Variants in USP31 observed in about 807,000 individuals in gnomAD.
The protein encoded by USP31 is ubiquitin carboxyl-terminal hydrolase 31.
Under a neutral mutation model 119.4 loss-of-function variants are expected in USP31, and 44 were observed. That is an observed-to-expected ratio of 0.37 (90% CI 0.29 to 0.47). USP31 has a LOEUF of 0.47. Among genes scored for constraint, USP31 ranks in the 20% least tolerant of loss-of-function variants. The probability of loss-of-function intolerance (pLI) is 0.99; values close to 1 mark genes in which losing one functional copy is unlikely to be tolerated. For missense variants in USP31, 1,643 were observed against 1,730.2 expected, an observed-to-expected ratio of 0.95 and a Z score of 0.89; for synonymous variants, 749 against 705.6, an observed-to-expected ratio of 1.06 and a Z score of -0.97.
chr16:23,087,002 T>C, intron 9 of USP31, 90 bp downstream of exon 9: 1 of 985,744 alleles, frequency 1.0e-6, no homozygotes, highest in East Asian at 2.7e-5. Flanking sequence ...CCCTGCACAC[T>C]TATGTGGAAA....
In USP31 at chr16:23,062,381, TAAA is replaced by T. The variant is rs34408168; in HGVS notation, c.*5662_*5664del. On this transcript the variant is annotated 3_prime_UTR_variant, in exon 16 of 16. Transcript: ENST00000219689. ...AATAGCAATAAGGGTTTTTTTTTTT[TAAA>T]AAAAAGACACCAAAGAAAATGTTTC... 0.12 allele frequency: 17,113 copies of T among 143,946 alleles called. 1,247 individuals carry two copies. Among genetic ancestry groups the T allele is most frequent in the Admixed American group, 0.2 (2,978 of 14,646 alleles). The allele number at this position is 143,946 out of a possible 1,614,324, so 8.9% of individuals were successfully genotyped here.
At chr16:23,128,488 C>T (rs12448801) in intron 1 of USP31, among the ~76,000 whole-genome samples, 42,789 of 151,940 alleles carry the variant, frequency 0.28, 6,373 homozygotes, top group Admixed American at 0.35. Context: ...CTAAACACAA[C>T]TGGAAATCAA....
At chr16:23,069,663 TTC>T (rs1900267537) in intron 15 of USP31, 47 bp from the exon 16 acceptor site, 1 of 1,546,684 alleles carries the variant, frequency 6.5e-7, no homozygotes, top group African/African-American at 1.4e-5. Flanking sequence ...AATGAAGACA[TTC>T]TAACAACACT....
At position 23,147,356 on chromosome 16, in the gene USP31, G is replaced by A. The variant is rs550630888; in HGVS notation, c.633+1282C>T. Among the ~76,000 whole-genome samples, 40 of 152,240 alleles carry A rather than the reference G, an allele frequency of 2.6e-4. No homozygotes were observed. In the East Asian group the frequency reaches 4.4e-3, roughly 17 times the overall value. ...CCCCCGGACCTCAGGTGATCCACCC[G>A]CCTTGGCCTCCCAAAGTGCTAGGAT... On this transcript the variant is annotated intron_variant, in intron 1 of 15. Transcript: ENST00000219689.
rs1902549235 is a variant in USP31 at position 23,117,926 on chromosome 16, C to CTGT, written c.634-9744_634-9743insACA. Among the ~76,000 whole-genome samples the CTGT allele has an allele frequency of 1.3e-5, 2 of 151,970 alleles. 1 individual carries two copies. The highest frequency in any genetic ancestry group is 4.2e-4 in the South Asian group (2 of 4,816). On this transcript the variant is annotated intron_variant, in intron 1 of 15. Transcript: ENST00000219689. ...TGCCTCAGCCTCCAAGTAGCTGGGACTACAGGTGCACGCCACCACGTCCTG... is the reference window on the plus strand; with the variant it reads ...TGCCTCAGCCTCCAAGTAGCTGGGACTGTTACAGGTGCACGCCACCACGTCCTG...
rs776883130 is a variant in USP31, at chr16:23,069,238, C to T, written c.2867G>A (p.Arg956His). The part of the protein sequence containing the change: ...EGVFKDESDT[R>H]RLNSSVVDTQ... ...ATCTACGACACTGGAGTTCAATCTG[C>T]GGGTGTCCGATTCGTCTTTGAACAC... The change falls in exon 16 of 16, where the codon CGC becomes CAC. Residue 956 changes from arginine to histidine, a missense_variant. By Grantham distance (29) the Arg-to-His change is conservative (BLOSUM62 0). Transcript: ENST00000219689. 25 of 1,613,990 alleles carry T rather than the reference C, an allele frequency of 1.5e-5. No homozygotes were observed. In the South Asian group the frequency reaches 1.9e-4, roughly 12 times the overall value.
At chr16:23,077,766 C>G (rs1567227037) in intron 13 of USP31, among the ~76,000 whole-genome samples, 4 of 152,206 alleles carry the variant, frequency 2.6e-5, no homozygotes, top group Admixed American at 1.3e-4. Context: ...CATCAACCCT[C>G]ACATCAACGA....
At chr16:23,070,700 C>G (rs13338818) in intron 15 of USP31, among the ~76,000 whole-genome samples, 41,305 of 150,512 alleles carry the variant, frequency 0.27, 6,079 homozygotes, top group Admixed American at 0.35. Flanking sequence ...GAGACAGAGA[C>G]AGACTCCGTT....
chr16:23,149,374 G>T lies in USP31; in HGVS notation c.-104C>A, dbSNP rs972663714. On this transcript the variant is annotated 5_prime_UTR_variant, in exon 1 of 16. Transcript: ENST00000219689. ...GCGCCGCGCCTCACCGGGCCCGGGGGCTCGACGCCCCACACACCTCAAAGC... is the reference window on the plus strand; with the variant it reads ...GCGCCGCGCCTCACCGGGCCCGGGGTCTCGACGCCCCACACACCTCAAAGC... 1 of 988,020 alleles carries T rather than the reference G, an allele frequency of 1.0e-6. No individual in the cohort carries two copies. Among genetic ancestry groups the T allele is most frequent in the Non-Finnish European group, 1.2e-6 (1 of 832,700 alleles). 61.2% of individuals were successfully genotyped at this position (988,020 alleles called of 1,614,324 possible).
chr16:23,062,993 CAGA>C lies in USP31; in HGVS notation c.*5050_*5052del, dbSNP rs1390588244. On this transcript the variant is annotated 3_prime_UTR_variant, in exon 16 of 16. Transcript: ENST00000219689. ...AATCTGTCTGCAAATTAGAAACACC[CAGA>C]AGCTTTTAAAATACATGGTAATTCC... The C allele has an allele frequency of 6.6e-6, 1 of 152,524 alleles. No homozygotes were observed. The highest frequency in any genetic ancestry group is 1.5e-5 in the Non-Finnish European group (1 of 68,028). 9.4% of individuals were successfully genotyped at this position (152,524 alleles called of 1,614,324 possible). A position where few individuals can be genotyped will look rare whatever the true frequency, so the allele number is the denominator to read the frequency against.
intron 5 of USP31, among the ~76,000 whole-genome samples, chr16:23,105,203 A>C (rs1249160283): frequency 5.3e-5 from 8 of 152,246 alleles, no homozygotes; most frequent in Admixed American, 3.3e-4. Flanking sequence ...AGCTACAAGA[A>C]GGTCTTGGTG....
At chr16:23,094,615 T>C (rs1474370315) in intron 6 of USP31, among the ~76,000 whole-genome samples, 1 of 152,070 alleles carries the variant, frequency 6.6e-6, no homozygotes, top group African/African-American at 2.4e-5. Context: ...AGACACCTCA[T>C]ACAGGCGGGT....
chr16:23,138,752 A>G (rs1903265905), intron 1 of USP31, among the ~76,000 whole-genome samples: 2 of 152,076 alleles, frequency 1.3e-5, no homozygotes, highest in East Asian at 3.9e-4. Flanking sequence ...TGCCCTGCAA[A>G]GGACTTTCCC....
intron 1 of USP31, among the ~76,000 whole-genome samples, chr16:23,112,570 C>T (rs1395845335): frequency 6.6e-6 from 1 of 151,760 alleles, no homozygotes; most frequent in East Asian, 1.9e-4. Context: ...AGTGAAACTC[C>T]ATCTCAATAA....
chr16:23,079,833 G>A lies in USP31; in HGVS notation c.2176+113C>T, dbSNP rs375998604. On this transcript the variant is annotated intron_variant, in intron 13 of 15. Coordinates refer to ENST00000219689, the MANE Select transcript of USP31 (RefSeq NM_020718.4). ...GAGGATGGAAACTGCCCTCACAGTT[G>A]GCACACTGCCTACCGGAGGGGAAAT... 1.9e-4 allele frequency: 188 copies of A among 977,256 alleles called. 4 individuals are homozygous for A. The South Asian group carries it at 3.0e-3, about 16-fold the overall frequency. The allele number at this position is 977,256 out of a possible 1,614,324, so 60.5% of individuals were successfully genotyped here. A position where few individuals can be genotyped will look rare whatever the true frequency, so the allele number is the denominator to read the frequency against.
intron 3 of USP31, 42 bp downstream of exon 3, chr16:23,106,357 T>C (rs1902103502): frequency 6.2e-7 from 1 of 1,613,312 alleles, no homozygotes; most frequent in Non-Finnish European, 8.5e-7. Flanking sequence ...CAGAACGATG[T>C]CAGGTAAACA....
At chr16:23,120,771 G>A (rs1902640591) in intron 1 of USP31, among the ~76,000 whole-genome samples, 1 of 152,222 alleles carries the variant, frequency 6.6e-6, no homozygotes, top group Non-Finnish European at 1.5e-5. Context: ...GTTCTTCGCT[G>A]AGTGGTGCTC....
At chr16:23,131,938 A>T (rs992201495) in intron 1 of USP31, among the ~76,000 whole-genome samples, 35 of 152,208 alleles carry the variant, frequency 2.3e-4, no homozygotes, top group Admixed American at 2.2e-3. Flanking sequence ...GATACCAACA[A>T]AGGCATTTCC....
rs1373479595 is a variant in USP31, at chr16:23,064,171, A to T, written c.*3875T>A. ...CTTATGACTTGCATACTATTTCAAAAATCCAACCCAGAAACACTAGTTAAA... is the reference window on the plus strand; with the variant it reads ...CTTATGACTTGCATACTATTTCAAATATCCAACCCAGAAACACTAGTTAAA... On this transcript the variant is annotated 3_prime_UTR_variant, in exon 16 of 16. Coordinates refer to ENST00000219689, the MANE Select transcript of USP31 (RefSeq NM_020718.4). 6.6e-6 allele frequency: 1 copy of T among 152,646 alleles called. No individual in the cohort carries two copies. Among genetic ancestry groups the T allele is most frequent in the Non-Finnish European group, 1.5e-5 (1 of 68,032 alleles). The allele number at this position is 152,646 out of a possible 1,614,324, so 9.5% of individuals were successfully genotyped here. A position where few individuals can be genotyped will look rare whatever the true frequency, so the allele number is the denominator to read the frequency against.
Sources: gnomAD v4.1 joint callset for allele counts (sites outside exome capture counted in the v4.1 genomes callset) on GRCh38, gnomAD v4.1.1 for gene constraint, MANE v1.5 for transcripts, NCBI Gene and HGNC (gene_info 2026-07-23, HGNC 2026-07-21) for gene names.